SHC3: variants seen among roughly 807,000 people sequenced by gnomAD.
SHC3 encodes SHC adaptor protein 3, also known as SHC-transforming protein 3.
A neutral mutation model predicts 60.4 loss-of-function variants in SHC3; 15 were observed. The ratio of observed to expected loss-of-function variants is 0.25; its 90% CI spans 0.17 to 0.38. SHC3 has a LOEUF of 0.38. Ranked by LOEUF, SHC3 falls within the 10% of genes least tolerant of loss-of-function variation. The pLI, the probability that SHC3 is intolerant of heterozygous loss-of-function variation, is 1.00. For synonymous variants in SHC3, 294 were observed against 325.9 expected, an observed-to-expected ratio of 0.90 and a Z score of 1.05; for missense variants, 677 against 786.1, an observed-to-expected ratio of 0.86 and a Z score of 1.66.
At chr9:89,104,172 A>G (rs537585608) in intron 2 of SHC3, among the ~76,000 whole-genome samples, 7 of 126,164 alleles carry the variant, frequency 5.5e-5, no homozygotes, top group South Asian at 2.3e-4. Flanking sequence ...GGATCAATTG[A>G]AAAAAAAAAT....
chr9:89,050,944 A>G (rs918582161), intron 7 of SHC3, among the ~76,000 whole-genome samples: 29 of 151,502 alleles, frequency 1.9e-4, no homozygotes, highest in Admixed American at 1.2e-3. Flanking sequence ...GGAGAATTGA[A>G]TTCTAGCATT....
At chr9:89,097,415 A>G (rs962059663) in intron 2 of SHC3, among the ~76,000 whole-genome samples, 1 of 152,252 alleles carries the variant, frequency 6.6e-6, no homozygotes, top group Non-Finnish European at 1.5e-5. Context: ...ACTGTGCCAA[A>G]CAAAAGAAGC....
intron 11 of SHC3, among the ~76,000 whole-genome samples, chr9:89,035,707 A>G (rs1337677816): frequency 6.6e-6 from 1 of 151,952 alleles, no homozygotes; most frequent in East Asian, 1.9e-4. Flanking sequence ...CTGTAATCCC[A>G]GCTCTTTGAG....
chr9:89,035,866 T>G (rs1157613825), intron 11 of SHC3, among the ~76,000 whole-genome samples: 3 of 139,548 alleles, frequency 2.1e-5, no homozygotes, highest in South Asian at 2.4e-4. Flanking sequence ...TGTGTGTGTG[T>G]GTGTGTGTGT....
At chr9:89,096,676 G>A (rs1035854110) in intron 2 of SHC3, among the ~76,000 whole-genome samples, 1 of 152,210 alleles carries the variant, frequency 6.6e-6, no homozygotes, top group African/African-American at 2.4e-5. Flanking sequence ...TCTAAAGAAT[G>A]TAGGTTAGCG....
At chr9:89,060,076 A>C (rs1294162450) in intron 6 of SHC3, among the ~76,000 whole-genome samples, 1 of 142,354 alleles carries the variant, frequency 7.0e-6, no homozygotes, top group African/African-American at 2.7e-5. Context: ...ACAGTAGCAG[A>C]GGATGATGGT....
intron 5 of SHC3, among the ~76,000 whole-genome samples, chr9:89,068,787 ATG>A (rs1825223680): frequency 2.0e-5 from 3 of 152,352 alleles, no homozygotes; most frequent in Admixed American, 6.5e-5. Context: ...CAATCTAGAT[ATG>A]TGTGTCTTCA....
intron 9 of SHC3, among the ~76,000 whole-genome samples, chr9:89,044,386 G>A (rs529349646): frequency 1.5e-4 from 23 of 152,310 alleles, no homozygotes; most frequent in African/African-American, 5.5e-4. Flanking sequence ...TCTGGGGCAG[G>A]CGAGACGAAA....
At chr9:89,018,679 T>TTTTC (rs151290824) in intron 11 of SHC3, among the ~76,000 whole-genome samples, 4 of 148,170 alleles carry the variant, frequency 2.7e-5, no homozygotes, top group African/African-American at 9.9e-5. Flanking sequence ...AGTAGTTTTT[T>TTTTC]TTTCTTTCTT....
At position 89,178,047 on chromosome 9, in the gene SHC3, AG is replaced by A. The variant is rs1261156624; in HGVS notation, c.413del (p.Pro138LeufsTer32). 1 of 1,227,140 alleles carries A rather than the reference AG, an allele frequency of 8.1e-7. No homozygotes were observed. Among genetic ancestry groups the A allele is most frequent in the Non-Finnish European group, 1.0e-6 (1 of 985,338 alleles). The allele number at this position is 1,227,140 out of a possible 1,614,324, so 76.0% of individuals were successfully genotyped here. On this transcript the variant is annotated frameshift_variant, in exon 1 of 12. Transcript: ENST00000375835. LOFTEE classifies it high-confidence loss of function. This position sits in a 1 kb window ranked among gnomAD's most constrained non-coding sequence, Gnocchi z 6.9. ...GGTCGCTGGCGTGCGGCGCCCCCCG[AG>A]GGGGCCTGGGCAGCGGCTCGTCGCC... Reference protein sequence around the residue: ...RPGDEPLPRPPRGAPHASDQV... With the variant: ...RPGDEPLPRPXRGAPHASDQV...
chr9:89,060,563 C>T (rs1402260632), intron 6 of SHC3, among the ~76,000 whole-genome samples: 1 of 151,846 alleles, frequency 6.6e-6, no homozygotes, highest in Admixed American at 6.6e-5. Context: ...TCAAGGAAGA[C>T]CCAGAAGCCA....
intron 6 of SHC3, 43 bp downstream of exon 6, chr9:89,065,486 G>A (rs1364230305): frequency 1.9e-6 from 3 of 1,603,066 alleles, no homozygotes; most frequent in Non-Finnish European, 2.6e-6. Flanking sequence ...GTGAAGCCTG[G>A]CTGTACACAA....
At chr9:89,125,828 A>G (rs1587740875) in intron 1 of SHC3, among the ~76,000 whole-genome samples, 1 of 152,312 alleles carries the variant, frequency 6.6e-6, no homozygotes, top group East Asian at 1.9e-4. Flanking sequence ...CCGCCTTCCC[A>G]GAAAACTCAT....
chr9:89,140,548 A>G (rs185277851), intron 1 of SHC3, among the ~76,000 whole-genome samples: 233 of 152,298 alleles, frequency 1.5e-3, no homozygotes, highest in Middle Eastern at 0.01. Flanking sequence ...AGCCATCTCC[A>G]AAAGTATATT....
At chr9:89,016,953 A>G (rs1826104555) in intron 11 of SHC3, among the ~76,000 whole-genome samples, 3 of 152,214 alleles carry the variant, frequency 2.0e-5, no homozygotes, top group Admixed American at 6.5e-5. Flanking sequence ...ACAAAATCCA[A>G]CAAATCTTAC....
chr9:89,109,732 T>A (rs2118105591), intron 2 of SHC3: 1 of 985,474 alleles, frequency 1.0e-6, no homozygotes. Context: ...TCTTCAGGCA[T>A]CTCCAGGCTC....
intron 11 of SHC3, among the ~76,000 whole-genome samples, chr9:89,027,550 T>C (rs7034607): frequency 0.04 from 6,045 of 151,834 alleles, 206 homozygotes; most frequent in African/African-American, 0.094. Context: ...TCCCCTGACC[T>C]CGTGATCCGC....
intron 1 of SHC3, among the ~76,000 whole-genome samples, chr9:89,165,929 T>G (rs150104101): frequency 6.6e-6 from 1 of 152,244 alleles, no homozygotes; most frequent in Non-Finnish European, 1.5e-5. Context: ...CTACTTTCAT[T>G]CTTACTTTTC....
At chr9:89,112,443 G>A (rs569485608) in intron 2 of SHC3, 113 bp downstream of exon 2, 1 of 1,101,666 alleles carries the variant, frequency 9.1e-7, no homozygotes, top group East Asian at 2.4e-5. Context: ...ACTGTCACCA[G>A]CCACTAACCC....
Sources: allele counts gnomAD v4.1 joint callset (sites outside exome capture counted in the v4.1 genomes callset), GRCh38; gene constraint gnomAD v4.1.1; non-coding constraint Gnocchi (gnomAD v3.1); transcripts MANE v1.5; gene names NCBI Gene and HGNC (gene_info 2026-07-23, HGNC 2026-07-21).